The following ACSS1 variants were observed in gnomAD, a reference collection of about 807,000 sequenced individuals.
The protein encoded by ACSS1 is acyl-CoA synthetase short chain family member 1.
In ACSS1, 42 loss-of-function variants were observed where a neutral mutation model predicts 75.3. The observed-to-expected ratio is 0.56, with a 90% CI of 0.44 to 0.72. The LOEUF (loss-of-function observed/expected upper bound fraction) is 0.72. Among genes scored for constraint, ACSS1 ranks in the 30% least tolerant of loss-of-function variants. ACSS1 has a pLI of 0.00. For synonymous variants in ACSS1, 380 were observed against 376.8 expected, an observed-to-expected ratio of 1.01 and a Z score of -0.10; for missense variants, 782 against 935.7, an observed-to-expected ratio of 0.84 and a Z score of 2.14.
chr20:25,015,353 C>A, intron 7 of ACSS1, 123 bp from the exon 8 acceptor site: 1 of 784,022 alleles, frequency 1.3e-6, no homozygotes, highest in Non-Finnish European at 2.0e-6. Context: ...CTCTGTCTCC[C>A]AGGATGATCT....
chr20:25,035,496 C>T (rs564633302), intron 2 of ACSS1, among the ~76,000 whole-genome samples: 1 of 152,224 alleles, frequency 6.6e-6, no homozygotes, highest in African/African-American at 2.4e-5. Flanking sequence ...ACCTCCACCT[C>T]CCAGGTTCAA....
At chr20:25,033,624 C>T (rs1405639288) in intron 2 of ACSS1, among the ~76,000 whole-genome samples, 2 of 152,176 alleles carry the variant, frequency 1.3e-5, no homozygotes, top group African/African-American at 2.4e-5. Flanking sequence ...ATTCTAGGCA[C>T]CTTGGGAGTG....
chr20:25,013,270 C>A lies in ACSS1; in HGVS notation c.1579+266G>T, dbSNP rs551770521. Among the ~76,000 whole-genome samples, 9 of 152,312 alleles carry A rather than the reference C, an allele frequency of 5.9e-5. No homozygotes were observed. The East Asian group carries it at 9.6e-4, about 16-fold the overall frequency. On this transcript the variant is annotated intron_variant, in intron 10 of 13. Transcript: ENST00000323482. ...GTAGCTAACAGGATCCTACCATGGG[C>A]CTGGCTGCAGTGCAGGACTTCACAC...
At position 25,009,128 on chromosome 20, in the gene ACSS1, C is replaced by G. The variant is rs183439405; in HGVS notation, c.1890+142G>C. ...ACAACACAGAGACCCACCATCCTCA[C>G]CACCAGCCAGGAAAACCAAACAGCT... On this transcript the variant is annotated intron_variant, in intron 13 of 13. Coordinates refer to ENST00000323482, the MANE Select transcript of ACSS1 (RefSeq NM_032501.4). The G allele has an allele frequency of 1.6e-4, 127 of 778,678 alleles. 1 individual carries two copies. In the East Asian group the frequency reaches 3.1e-3, roughly 19 times the overall value. The allele number at this position is 778,678 out of a possible 1,614,324, so 48.2% of individuals were successfully genotyped here.
intron 2 of ACSS1, among the ~76,000 whole-genome samples, chr20:25,034,594 G>C (rs1357279907): frequency 5.3e-5 from 8 of 151,728 alleles, no homozygotes; most frequent in Non-Finnish European, 8.8e-5. Context: ...TTGAGGTGGA[G>C]TTTCGCTCTT....
intron 7 of ACSS1, among the ~76,000 whole-genome samples, chr20:25,018,368 C>G (rs567385602): frequency 2.6e-5 from 4 of 152,324 alleles, no homozygotes; most frequent in South Asian, 4.1e-4. Context: ...TTATAAATCA[C>G]CCAGTTTCAG....
rs796265145 is a variant in ACSS1 at position 25,016,978 on chromosome 20, CT to C, written c.1247-1749del. On this transcript the variant is annotated intron_variant, in intron 7 of 13. Transcript: ENST00000323482. ...GAGCAGAGGTCGAGGAAAACTTCAG[CT>C]TTTTTTTTTTTTCTTTTTTTTTGAG... is the stretch of plus-strand genomic sequence containing the variant. 9.1e-3 allele frequency among the ~76,000 whole-genome samples: 1,317 copies of C among 145,194 alleles called. 19 individuals carry two copies. Among genetic ancestry groups the C allele is most frequent in the African/African-American group, 0.027 (1,068 of 39,758 alleles).
At position 25,006,290 on chromosome 20, in the gene ACSS1, C is replaced by A. The variant is rs746565032; in HGVS notation, c.*1472G>T. On this transcript the variant is annotated 3_prime_UTR_variant, in exon 14 of 14. Coordinates refer to ENST00000323482, the MANE Select transcript of ACSS1 (RefSeq NM_032501.4). ...CCTCCCCTACAGATCATTCAGATGCCCGGGACCATGTCCAGGTTCCTCTCA... is the reference window on the plus strand; with the variant it reads ...CCTCCCCTACAGATCATTCAGATGCACGGGACCATGTCCAGGTTCCTCTCA... The A allele has an allele frequency of 1.3e-5, 2 of 152,566 alleles. No individual in the cohort carries two copies. Among genetic ancestry groups the A allele is most frequent in the African/African-American group, 2.4e-5 (1 of 41,402 alleles). The allele number at this position is 152,566 out of a possible 1,614,324, so 9.5% of individuals were successfully genotyped here.
Position 25,007,679 on chromosome 20 carries a change from C to T in ACSS1, c.*83G>A, listed in dbSNP as rs1600301020. 14 of 1,553,358 alleles carry T rather than the reference C, an allele frequency of 9.0e-6. No individual in the cohort carries two copies. The East Asian group carries it at 1.6e-4, about 18-fold the overall frequency. On this transcript the variant is annotated 3_prime_UTR_variant, in exon 14 of 14. Transcript: ENST00000323482. ...GGGCTGCTTCTGGGACGTAGGAAGACGCCAACCTCAGGGGTACCTTCTGGG... is the reference window on the plus strand; with the variant it reads ...GGGCTGCTTCTGGGACGTAGGAAGATGCCAACCTCAGGGGTACCTTCTGGG...
At chr20:25,040,936 CATTTA>C in intron 2 of ACSS1, among the ~76,000 whole-genome samples, 1 of 152,164 alleles carries the variant, frequency 6.6e-6, no homozygotes. Flanking sequence ...AATAATTATT[CATTTA>C]AGGATAAGTA....
intron 3 of ACSS1, among the ~76,000 whole-genome samples, chr20:25,028,315 G>A (rs1432639298): frequency 6.6e-6 from 1 of 152,118 alleles, no homozygotes; most frequent in Non-Finnish European, 1.5e-5. Context: ...CTTGAAAAAA[G>A]AAGAACAAAG....
chr20:25,043,973 A>G (rs1252540681), intron 2 of ACSS1, among the ~76,000 whole-genome samples: 1 of 152,208 alleles, frequency 6.6e-6, no homozygotes, highest in Non-Finnish European at 1.5e-5. Flanking sequence ...AGACCCTCAG[A>G]GAAGAGGTTC....
intron 2 of ACSS1, among the ~76,000 whole-genome samples, chr20:25,047,825 C>A (rs542699149): frequency 4.3e-5 from 6 of 138,054 alleles, no homozygotes; most frequent in African/African-American, 2.1e-4. Flanking sequence ...AGCTTAAAAA[C>A]AAAACAACTC....
At chr20:25,027,462 A>G (rs1325104141) in intron 3 of ACSS1, among the ~76,000 whole-genome samples, 1 of 152,234 alleles carries the variant, frequency 6.6e-6, no homozygotes, top group Non-Finnish European at 1.5e-5. Flanking sequence ...GACTTACCCT[A>G]GGAAAGGAAG....
chr20:25,058,113 T>A lies in ACSS1; in HGVS notation c.-11A>T. The A allele has an allele frequency of 8.0e-7, 1 of 1,244,836 alleles. No individual in the cohort carries two copies. Among genetic ancestry groups the A allele is most frequent in the Non-Finnish European group, 1.0e-6 (1 of 996,514 alleles). The allele number at this position is 1,244,836 out of a possible 1,614,324, so 77.1% of individuals were successfully genotyped here. ...GGTGCGCGCCGCCATCTAGGCAGGC[T>A]ACCTGAGCTCTCTGTGCTCCCAGAG... is the stretch of plus-strand genomic sequence containing the variant. On this transcript the variant is annotated 5_prime_UTR_variant, in exon 1 of 14. Coordinates refer to ENST00000323482, the MANE Select transcript of ACSS1 (RefSeq NM_032501.4).
Position 25,007,623 on chromosome 20 carries a change from G to C in ACSS1, c.*139C>G. The C allele has an allele frequency of 1.3e-6, 2 of 1,500,910 alleles. No homozygotes were observed. Among genetic ancestry groups the C allele is most frequent in the Non-Finnish European group, 1.8e-6 (2 of 1,133,572 alleles). The allele number at this position is 1,500,910 out of a possible 1,614,324, so 93.0% of individuals were successfully genotyped here. A position where few individuals can be genotyped will look rare whatever the true frequency, so the allele number is the denominator to read the frequency against. Reference sequence around the variant, plus strand: ...GAAAGGGCTCTCAGCCCAGCTTCACGTGAGGGCGGTGTGGGTCATGTGTGG... The same window carrying C: ...GAAAGGGCTCTCAGCCCAGCTTCACCTGAGGGCGGTGTGGGTCATGTGTGG... On this transcript the variant is annotated 3_prime_UTR_variant, in exon 14 of 14. Transcript: ENST00000323482.
intron 3 of ACSS1, among the ~76,000 whole-genome samples, chr20:25,029,316 A>G (rs1417005437): frequency 6.6e-6 from 1 of 152,224 alleles, no homozygotes; most frequent in Non-Finnish European, 1.5e-5. Flanking sequence ...GCAAATCAAA[A>G]CCACAATGAG....
rs754653032 is a variant in ACSS1 at position 25,015,214 on chromosome 20, G to A, written c.1263C>T (p.Asn421=). Residue 421 remains asparagine (N), a synonymous_variant, in exon 8 of 14, where the codon AAC becomes AAT. Coordinates refer to ENST00000323482, the MANE Select transcript of ACSS1 (RefSeq NM_032501.4). ...TGTGAAGCCACTCCCAGGCCTCACAGTTGATGGGCTCTCCCACTGAAACCA... is the reference window on the plus strand; with the variant it reads ...TGTGAAGCCACTCCCAGGCCTCACAATTGATGGGCTCTCCCACTGAAACCA... ...RTLGSVGEPI[N]CEAWEWLHRV... is the part of the protein sequence containing the mutation. 14 of 1,610,940 alleles carry A rather than the reference G, an allele frequency of 8.7e-6. No individual in the cohort carries two copies. Among genetic ancestry groups the A allele is most frequent in the Non-Finnish European group, 1.2e-5 (14 of 1,177,460 alleles).
At chr20:25,014,501 G>A (rs2122601061) in intron 8 of ACSS1, among the ~76,000 whole-genome samples, 1 of 152,332 alleles carries the variant, frequency 6.6e-6, no homozygotes, top group East Asian at 1.9e-4. Flanking sequence ...CAGTGACTCA[G>A]CTAGAGAATC....
Sources: gnomAD v4.1 joint callset for allele counts (sites outside exome capture counted in the v4.1 genomes callset) on GRCh38, gnomAD v4.1.1 for gene constraint, MANE v1.5 for transcripts, NCBI Gene and HGNC (gene_info 2026-07-23, HGNC 2026-07-21) for gene names.